Variants in LRRTM4 observed in about 807,000 individuals in gnomAD.
The protein encoded by LRRTM4 is leucine-rich repeat transmembrane neuronal protein 4.
A neutral mutation model predicts 47.6 loss-of-function variants in LRRTM4; 25 were observed. That is an observed-to-expected ratio of 0.53 (90% CI 0.38 to 0.73). The LOEUF (loss-of-function observed/expected upper bound fraction) is 0.73. LRRTM4 is among the 30% of genes least tolerant of loss of function. LRRTM4 has a pLI of 0.00. For missense variants in LRRTM4, 638 were observed against 713.4 expected (o/e 0.89, Z 1.20); for synonymous variants, 311 against 269.5 (o/e 1.15, Z -1.51).
At chr2:77,453,326 C>A (rs111482573) in intron 3 of LRRTM4, among the ~76,000 whole-genome samples, 24 of 151,756 alleles carry the variant, frequency 1.6e-4, no homozygotes, top group African/African-American at 5.6e-4. Flanking sequence ...GGACCACAGG[C>A]GCCCACCACC....
intron 3 of LRRTM4, among the ~76,000 whole-genome samples, chr2:77,486,062 C>T (rs1042883443): frequency 6.6e-6 from 1 of 152,148 alleles, no homozygotes; most frequent in Non-Finnish European, 1.5e-5. Flanking sequence ...GAACCTCTAG[C>T]ATGCCTTCCA....
chr2:77,013,319 C>A (rs988842414), intron 3 of LRRTM4, among the ~76,000 whole-genome samples: 1 of 152,082 alleles, frequency 6.6e-6, no homozygotes, highest in African/African-American at 2.4e-5. Flanking sequence ...TTGGCAAAGG[C>A]AGGGACGGAG....
chr2:76,850,925 CTTA>C (rs1671974268), intron 3 of LRRTM4, among the ~76,000 whole-genome samples: 1 of 152,188 alleles, frequency 6.6e-6, no homozygotes, highest in Non-Finnish European at 1.5e-5. Flanking sequence ...CTCCACATGT[CTTA>C]TTGTAGACTC....
At chr2:77,314,998 G>C (rs1677577115) in intron 3 of LRRTM4, among the ~76,000 whole-genome samples, 4 of 152,176 alleles carry the variant, frequency 2.6e-5, no homozygotes, top group Non-Finnish European at 5.9e-5. Flanking sequence ...CATGTTTAAG[G>C]TAGGCTAGGC....
At chr2:77,028,574 A>G (rs1287064787) in intron 3 of LRRTM4, among the ~76,000 whole-genome samples, 1 of 152,176 alleles carries the variant, frequency 6.6e-6, no homozygotes, top group Non-Finnish European at 1.5e-5. Context: ...TATAATTTCA[A>G]CAAGAATAAG....
intron 3 of LRRTM4, among the ~76,000 whole-genome samples, chr2:77,083,703 G>C (rs751325485): frequency 2.7e-5 from 4 of 147,500 alleles, no homozygotes; most frequent in Non-Finnish European, 6.0e-5. Flanking sequence ...ACTCACTCTG[G>C]TAGAGTGTTG....
At chr2:77,432,865 A>G (rs1675438122) in intron 3 of LRRTM4, among the ~76,000 whole-genome samples, 1 of 152,224 alleles carries the variant, frequency 6.6e-6, no homozygotes, top group Non-Finnish European at 1.5e-5. Flanking sequence ...GGATGAAGTA[A>G]GACTTCTCCT....
In LRRTM4 at chr2:76,800,910, C is replaced by G. The variant is rs898510294; in HGVS notation, c.1552-51994G>C. ...AATGAAAACCACAATGAGATACCAT[C>G]AATGCTCATCATCACTGGCCATCAG... On this transcript the variant is annotated intron_variant, in intron 3 of 3. Coordinates refer to ENST00000409884, the MANE Select transcript of LRRTM4 (RefSeq NM_001134745.3). Among the ~76,000 whole-genome samples the G allele has an allele frequency of 7.3e-5, 11 of 151,226 alleles. 1 individual carries two copies. Among genetic ancestry groups the G allele is most frequent in the African/African-American group, 2.7e-4 (11 of 41,312 alleles).
chr2:76,868,710 C>T (rs747306232), intron 3 of LRRTM4, among the ~76,000 whole-genome samples: 3 of 151,998 alleles, frequency 2.0e-5, no homozygotes, highest in Non-Finnish European at 2.9e-5. Flanking sequence ...GGTAACATGC[C>T]GGAGGAAGCC....
intron 3 of LRRTM4, among the ~76,000 whole-genome samples, chr2:76,994,187 T>C (rs527916748): frequency 4.9e-4 from 74 of 151,836 alleles, no homozygotes; most frequent in Non-Finnish European, 7.7e-4. Context: ...AGTGACAGGA[T>C]TAGTTGTATC....
At position 77,051,841 on chromosome 2, in the gene LRRTM4, C is replaced by G. The variant is rs139929240; in HGVS notation, c.1552-302925G>C. 3.6e-3 allele frequency among the ~76,000 whole-genome samples: 545 copies of G among 152,184 alleles called. 1 individual carries two copies. The highest frequency in any genetic ancestry group is 0.012 in the African/African-American group (516 of 41,536). On this transcript the variant is annotated intron_variant, in intron 3 of 3. Coordinates refer to ENST00000409884, the MANE Select transcript of LRRTM4 (RefSeq NM_001134745.3). ...ACCTTGTCAAATAGGAAACTGAAAA[C>G]AGTGGATAATTTTCATGGCAGTGGA... is the stretch of plus-strand genomic sequence containing the variant.
intron 3 of LRRTM4, among the ~76,000 whole-genome samples, chr2:77,173,147 A>G (rs1673102670): frequency 6.6e-6 from 1 of 152,194 alleles, no homozygotes. Context: ...AAATAAATGT[A>G]AATAAACCCA....
intron 3 of LRRTM4, among the ~76,000 whole-genome samples, chr2:77,085,835 A>G (rs1236339747): frequency 6.6e-6 from 1 of 152,166 alleles, no homozygotes; most frequent in African/African-American, 2.4e-5. Context: ...TAGAGCTAAA[A>G]TGATTTCTAA....
chr2:76,847,174 G>T (rs1671860269), intron 3 of LRRTM4, among the ~76,000 whole-genome samples: 1 of 152,102 alleles, frequency 6.6e-6, no homozygotes, highest in African/African-American at 2.4e-5. Context: ...CGTAAGTTTT[G>T]TGAAATTATA....
chr2:76,852,945 G>C (rs1383148228), intron 3 of LRRTM4, among the ~76,000 whole-genome samples: 1 of 151,958 alleles, frequency 6.6e-6, no homozygotes, highest in Non-Finnish European at 1.5e-5. Context: ...TGTTATATTA[G>C]AAAAAAACAG....
intron 3 of LRRTM4, among the ~76,000 whole-genome samples, chr2:76,995,385 C>T (rs1203684435): frequency 2.0e-5 from 3 of 152,000 alleles, no homozygotes; most frequent in Non-Finnish European, 4.4e-5. Flanking sequence ...TTCCTCTCCA[C>T]CTTGGTTCTA....
intron 3 of LRRTM4, among the ~76,000 whole-genome samples, chr2:76,966,950 TTC>T (rs1409573773): frequency 6.6e-6 from 1 of 151,464 alleles, no homozygotes; most frequent in Admixed American, 6.6e-5. Flanking sequence ...TCAATTTTTA[TTC>T]TCGCATATTT....
intron 3 of LRRTM4, among the ~76,000 whole-genome samples, chr2:77,137,982 T>C (rs1460233234): frequency 6.6e-6 from 1 of 152,088 alleles, no homozygotes; most frequent in Non-Finnish European, 1.5e-5. Context: ...AAGCAAGTCC[T>C]TAGAGAACTA....
In LRRTM4 at chr2:76,990,231, C is replaced by T. The variant is rs147869531; in HGVS notation, c.1552-241315G>A. On this transcript the variant is annotated intron_variant, in intron 3 of 3. Coordinates refer to ENST00000409884, the MANE Select transcript of LRRTM4 (RefSeq NM_001134745.3). Reference sequence around the variant, plus strand: ...GACTTCCTTTTGCTTTCTAAAAAGACGGTGGGAAACCACAAAATAAAAACT... The same window carrying T: ...GACTTCCTTTTGCTTTCTAAAAAGATGGTGGGAAACCACAAAATAAAAACT... Among the ~76,000 whole-genome samples, 16 of 151,790 alleles carry T rather than the reference C, an allele frequency of 1.1e-4. No individual in the cohort carries two copies. In the South Asian group the frequency reaches 1.9e-3, roughly 18 times the overall value.
Sources: allele counts gnomAD v4.1 joint callset (sites outside exome capture counted in the v4.1 genomes callset), GRCh38; gene constraint gnomAD v4.1.1; transcripts MANE v1.5; gene names NCBI Gene and HGNC (gene_info 2026-07-23, HGNC 2026-07-21).